Variants in PDE3A observed in about 807,000 individuals in gnomAD.
PDE3A encodes the protein phosphodiesterase 3A.
Under a neutral mutation model 98.3 loss-of-function variants are expected in PDE3A, and 43 were observed. The ratio of observed to expected loss-of-function variants is 0.44; its 90% CI spans 0.34 to 0.56. The LOEUF (loss-of-function observed/expected upper bound fraction) is 0.56. Among genes scored for constraint, PDE3A ranks in the 20% least tolerant of loss-of-function variants. The pLI, the probability that PDE3A is intolerant of heterozygous loss-of-function variation, is 0.01. For missense variants in PDE3A, 1,427 were observed against 1,440.7 expected, an observed-to-expected ratio of 0.99 and a Z score of 0.15; for synonymous variants, 663 against 567.9, an observed-to-expected ratio of 1.17 and a Z score of -2.38.
chr12:20,494,203 TGGCTGAAGCCTTTTATTTTTC>T (rs1329593647), intron 1 of PDE3A, among the ~76,000 whole-genome samples: 2 of 152,246 alleles, frequency 1.3e-5, no homozygotes, highest in African/African-American at 4.8e-5. Context: ...AATATTCAAG[TGGCTGAAGCCTTTTATTTTTC>T]TTGGTCCTAA....
In PDE3A at chr12:20,650,500, G is replaced by C; in HGVS notation, c.2825G>C (p.Cys942Ser). The C allele has an allele frequency of 6.2e-7, 1 of 1,610,798 alleles. No homozygotes were observed. ...AATGAAAATGATCGTCTACTGGTTT[G>C]TCAAATGTGTATAAAGTTGGCTGAT... The part of the protein sequence containing the change: ...WTNENDRLLV[C>S]QMCIKLADIN... Residue 942 changes from cysteine (C) to serine (S), a missense_variant, in exon 14 of 16, where the codon TGT (cysteine) becomes TCT (serine). Cys to Ser is a moderately radical substitution (Grantham distance 112). Coordinates refer to ENST00000359062, the MANE Select transcript of PDE3A (RefSeq NM_000921.5).
chr12:20,476,686 T>G (rs1945537007), intron 1 of PDE3A, among the ~76,000 whole-genome samples: 1 of 152,204 alleles, frequency 6.6e-6, no homozygotes, highest in Non-Finnish European at 1.5e-5. Context: ...AAGAATGGAC[T>G]ATGAATCCCT....
chr12:20,538,659 G>A (rs946923683), intron 1 of PDE3A, among the ~76,000 whole-genome samples: 2 of 152,074 alleles, frequency 1.3e-5, no homozygotes, highest in Non-Finnish European at 2.9e-5. Context: ...TGAGAGTGAA[G>A]AGCTAAAAAT....
chr12:20,615,208 T>TTAAC (rs1470047946), intron 3 of PDE3A, among the ~76,000 whole-genome samples: 1 of 151,810 alleles, frequency 6.6e-6, no homozygotes, highest in East Asian at 1.9e-4. Context: ...CTGGCCCAGT[T>TTAAC]TAACTTTTAA....
At chr12:20,528,641 C>T (rs1946569928) in intron 1 of PDE3A, among the ~76,000 whole-genome samples, 2 of 152,126 alleles carry the variant, frequency 1.3e-5, no homozygotes, top group Admixed American at 6.5e-5. Flanking sequence ...AAGGTATGCC[C>T]ATTGGACATG....
In PDE3A at chr12:20,372,541, A is replaced by G. The variant is rs578111835; in HGVS notation, c.960+2297A>G. 8.5e-5 allele frequency among the ~76,000 whole-genome samples: 13 copies of G among 152,228 alleles called. No homozygotes were observed. In the South Asian group the frequency reaches 2.7e-3, roughly 32 times the overall value. ...CTTATAAGATAGGACAGTATCTCAT[A>G]TACGTTAGCCTTACTGTGTGAAAAG... On this transcript the variant is annotated intron_variant, in intron 1 of 15. Transcript: ENST00000359062.
intron 1 of PDE3A, among the ~76,000 whole-genome samples, chr12:20,493,497 T>C (rs1394928519): frequency 1.3e-5 from 2 of 152,214 alleles, no homozygotes; most frequent in Non-Finnish European, 2.9e-5. Context: ...TATTTATCTA[T>C]GAGGGTCCTA....
At chr12:20,455,062 T>C (rs1274295067) in intron 1 of PDE3A, among the ~76,000 whole-genome samples, 2 of 152,130 alleles carry the variant, frequency 1.3e-5, no homozygotes, top group African/African-American at 4.8e-5. Flanking sequence ...CTTTCTACAG[T>C]GGCTGAACTC....
At chr12:20,391,771 C>A (rs2120611902) in intron 1 of PDE3A, among the ~76,000 whole-genome samples, 1 of 151,848 alleles carries the variant, frequency 6.6e-6, no homozygotes, top group Non-Finnish European at 1.5e-5. Context: ...CCATTTTGTT[C>A]TCCCCTTTTC....
chr12:20,446,693 A>C (rs1275545224), intron 1 of PDE3A, among the ~76,000 whole-genome samples: 2 of 152,198 alleles, frequency 1.3e-5, no homozygotes, highest in African/African-American at 2.4e-5. Flanking sequence ...CTATTCATTT[A>C]AAATTTCATT....
intron 1 of PDE3A, 26 bp downstream of exon 1, chr12:20,370,270 G>C (rs1026138525): frequency 4.0e-6 from 6 of 1,492,784 alleles, no homozygotes; most frequent in Non-Finnish European, 5.3e-6. Flanking sequence ...TCCTCTCTCG[G>C]CTCTTGGAAA....
chr12:20,407,392 A>G (rs1944251900), intron 1 of PDE3A, among the ~76,000 whole-genome samples: 1 of 152,256 alleles, frequency 6.6e-6, no homozygotes, highest in Admixed American at 6.5e-5. Flanking sequence ...GAACAACTGA[A>G]TAAATTCTAA....
chr12:20,376,164 G>A (rs1379216188), intron 1 of PDE3A, among the ~76,000 whole-genome samples: 1 of 151,892 alleles, frequency 6.6e-6, no homozygotes, highest in African/African-American at 2.4e-5. Context: ...GTTTATGACT[G>A]TAAATAGCTG....
At chr12:20,605,059 A>C (rs1361437689) in intron 2 of PDE3A, among the ~76,000 whole-genome samples, 1 of 152,150 alleles carries the variant, frequency 6.6e-6, no homozygotes, top group Non-Finnish European at 1.5e-5. Flanking sequence ...CACCCTTATA[A>C]AATCTATTTA....
chr12:20,485,699 A>G (rs900885866), intron 1 of PDE3A, among the ~76,000 whole-genome samples: 3 of 152,192 alleles, frequency 2.0e-5, no homozygotes, highest in Admixed American at 1.3e-4. Context: ...CATGAAATCA[A>G]TGTTCTTATA....
At chr12:20,592,052 A>G (rs1398790777) in intron 2 of PDE3A, among the ~76,000 whole-genome samples, 2 of 152,214 alleles carry the variant, frequency 1.3e-5, no homozygotes, top group Non-Finnish European at 2.9e-5. Context: ...AACGATTAAC[A>G]TATAATTTTC....
intron 1 of PDE3A, among the ~76,000 whole-genome samples, chr12:20,432,886 A>G (rs1430362799): frequency 6.6e-6 from 1 of 152,142 alleles, no homozygotes; most frequent in Non-Finnish European, 1.5e-5. Flanking sequence ...CTGGAGTAGA[A>G]AACCCAACTA....
rs143014271 is a variant in PDE3A, at chr12:20,413,602, T to C, written c.960+43358T>C. Among the ~76,000 whole-genome samples, 58 of 152,200 alleles carry C rather than the reference T, an allele frequency of 3.8e-4. No individual in the cohort carries two copies. In the East Asian group the frequency reaches 0.011, roughly 29 times the overall value. ...GAGAGCATGGAGAAATCGTCAGTGCTGGGAAATTGTGGGAGCTGAGCAACA... is the reference window on the plus strand; with the variant it reads ...GAGAGCATGGAGAAATCGTCAGTGCCGGGAAATTGTGGGAGCTGAGCAACA... On this transcript the variant is annotated intron_variant, in intron 1 of 15. Coordinates refer to ENST00000359062, the MANE Select transcript of PDE3A (RefSeq NM_000921.5).
chr12:20,640,069 T>A (rs1944610977), intron 10 of PDE3A, 112 bp downstream of exon 10: 1 of 584,292 alleles, frequency 1.7e-6, no homozygotes, highest in Non-Finnish European at 3.1e-6. Context: ...TGGTAGACGC[T>A]CAATATGGAG....
Sources: allele counts gnomAD v4.1 joint callset (sites outside exome capture counted in the v4.1 genomes callset), GRCh38; gene constraint gnomAD v4.1.1; transcripts MANE v1.5; gene names NCBI Gene and HGNC (gene_info 2026-07-23, HGNC 2026-07-21).